The following ERLIN2 variants were observed in gnomAD, a reference collection of about 807,000 sequenced individuals.
ERLIN2 encodes the protein erlin-2.
In ERLIN2, 22 loss-of-function variants were observed where a neutral mutation model predicts 41.5. The ratio of observed to expected loss-of-function variants is 0.53; its 90% CI spans 0.38 to 0.76. The LOEUF (loss-of-function observed/expected upper bound fraction) is 0.76. Ranked by LOEUF, ERLIN2 falls within the 30% of genes least tolerant of loss-of-function variation. ERLIN2 has a pLI of 0.00. For missense variants in ERLIN2, 247 were observed against 414.3 expected (o/e 0.60, Z 3.51); for synonymous variants, 149 against 150.9 (o/e 0.99, Z 0.09).
chr8:37,740,253 ACT>A, intron 2 of ERLIN2, 110 bp from the exon 3 acceptor site: 1 of 759,514 alleles, frequency 1.3e-6, no homozygotes, highest in East Asian at 2.7e-5. Flanking sequence ...AGCACATGTC[ACT>A]CTCTATTATA....
At chr8:37,748,108 T>C (rs952407319) in intron 6 of ERLIN2, 2 of 790,162 alleles carry the variant, frequency 2.5e-6, no homozygotes, top group African/African-American at 3.5e-5. Flanking sequence ...ACCTTAGTAA[T>C]ACAATTTAAA....
rs114673491 is a variant in ERLIN2 at position 37,750,173 on chromosome 8, T to C, written c.558-222T>C. 1,141 of 622,618 alleles carry C rather than the reference T, an allele frequency of 1.8e-3. 12 individuals are homozygous for C. In the African/African-American group the frequency reaches 0.019, roughly 10 times the overall value. The allele number at this position is 622,618 out of a possible 1,614,324, so 38.6% of individuals were successfully genotyped here. ...CAGTAAGTGGACAGGCAGGTGTATTTTACTAAATTATGTTTTATTTCCCAC... is the reference window on the plus strand; with the variant it reads ...CAGTAAGTGGACAGGCAGGTGTATTCTACTAAATTATGTTTTATTTCCCAC... On this transcript the variant is annotated intron_variant, in intron 8 of 11. Transcript: ENST00000519638.
At chr8:37,752,279 C>T (rs765738292) in intron 10 of ERLIN2, among the ~76,000 whole-genome samples, 15 of 152,196 alleles carry the variant, frequency 9.9e-5, no homozygotes, top group Non-Finnish European at 2.9e-5. Flanking sequence ...AAGCCTGCAC[C>T]TCCTTCCCAC....
At position 37,754,781 on chromosome 8, in the gene ERLIN2, G is replaced by A. The variant is rs1563318795; in HGVS notation, c.*666G>A. On this transcript the variant is annotated 3_prime_UTR_variant, in exon 12 of 12. Transcript: ENST00000519638. ...TTCTGACTACATTTCTAGAGTCAGAGCTTGATCACCACAACTCAATTATTT... is the reference window on the plus strand; with the variant it reads ...TTCTGACTACATTTCTAGAGTCAGAACTTGATCACCACAACTCAATTATTT... 6.5e-6 allele frequency: 1 copy of A among 154,080 alleles called. No individual in the cohort carries two copies. Among genetic ancestry groups the A allele is most frequent in the African/African-American group, 2.4e-5 (1 of 41,410 alleles). The allele number at this position is 154,080 out of a possible 1,614,324, so 9.5% of individuals were successfully genotyped here.
Position 37,753,532 on chromosome 8 carries a change from A to G in ERLIN2, c.819+3A>G, listed in dbSNP as rs377704533. 138 of 1,613,554 alleles carry G rather than the reference A, an allele frequency of 8.6e-5. No individual in the cohort carries two copies. Among genetic ancestry groups the G allele is most frequent in the Non-Finnish European group, 8.9e-5 (105 of 1,179,492 alleles). On this transcript the variant is annotated splice_donor_region_variant and intron_variant, in intron 11 of 11. Coordinates refer to ENST00000519638, the MANE Select transcript of ERLIN2 (RefSeq NM_007175.8). The stretch of plus-strand genomic sequence containing the variant: ...TGAAAATAGCCGAAGCCAATAAGGT[A>G]AAGACCCCGCACAGCCTGATAAAAA...
chr8:37,739,063 T>C (rs1802761588), intron 2 of ERLIN2, among the ~76,000 whole-genome samples: 2 of 152,204 alleles, frequency 1.3e-5, no homozygotes, highest in Admixed American at 6.5e-5. Context: ...GAAGCACTTA[T>C]AAGTCTTGGG....
chr8:37,738,703 T>G (rs927323771), intron 2 of ERLIN2, among the ~76,000 whole-genome samples: 1 of 152,080 alleles, frequency 6.6e-6, no homozygotes, highest in African/African-American at 2.4e-5. Context: ...CTGAGCAACA[T>G]AGTGAGAGCC....
chr8:37,744,632 C>A lies in ERLIN2; in HGVS notation c.360C>A (p.Ile120=). 1 of 1,614,036 alleles carries A rather than the reference C, an allele frequency of 6.2e-7. No individual in the cohort carries two copies. Among genetic ancestry groups the A allele is most frequent in the Non-Finnish European group, 8.5e-7 (1 of 1,179,926 alleles). ...ACAAGGCCCTCATCTTCAACAAGATCCACCACGAACTGAACCAGTTCTGCA... is the reference window on the plus strand; with the variant it reads ...ACAAGGCCCTCATCTTCAACAAGATACACCACGAACTGAACCAGTTCTGCA... ...DYDKALIFNK[I]HHELNQFCSV... The change falls in exon 6 of 12, where the codon ATC becomes ATA. Residue 120 remains isoleucine, a synonymous_variant. Coordinates refer to ENST00000519638, the MANE Select transcript of ERLIN2 (RefSeq NM_007175.8).
chr8:37,745,533 AT>A (rs1450931566), intron 6 of ERLIN2: 15 of 1,610,422 alleles, frequency 9.3e-6, no homozygotes, highest in Non-Finnish European at 1.7e-6. Context: ...AAGTAAATGA[AT>A]TTTTAACCAA....
rs1413506732 is a variant in ERLIN2 at position 37,758,404 on chromosome 8, T to C, written c.*4289T>C. 6.6e-6 allele frequency: 1 copy of C among 152,180 alleles called. No homozygotes were observed. Among genetic ancestry groups the C allele is most frequent in the African/African-American group, 2.4e-5 (1 of 41,440 alleles). 9.4% of individuals were successfully genotyped at this position (152,180 alleles called of 1,614,324 possible). A position where few individuals can be genotyped will look rare whatever the true frequency, so the allele number is the denominator to read the frequency against. ...TCAGTTTCTTCATTAATAAAATGAG[T>C]TGCATGGCTTATATGAAATAATGCA... On this transcript the variant is annotated 3_prime_UTR_variant, in exon 12 of 12. Coordinates refer to ENST00000519638, the MANE Select transcript of ERLIN2 (RefSeq NM_007175.8).
intron 6 of ERLIN2, chr8:37,744,990 T>C (rs772587427): frequency 4.9e-6 from 3 of 606,958 alleles, no homozygotes; most frequent in African/African-American, 3.7e-5. Context: ...CCACTGTTCC[T>C]AAACTATCAT....
intron 6 of ERLIN2, 101 bp downstream of exon 6, chr8:37,744,797 C>A: frequency 1.6e-6 from 2 of 1,245,684 alleles, no homozygotes; most frequent in Non-Finnish European, 2.3e-6. Context: ...GTGTGATGGT[C>A]ACTTATGGAC....
intron 10 of ERLIN2, 96 bp from the exon 11 acceptor site, chr8:37,753,354 A>G (rs1265623554): frequency 1.5e-5 from 15 of 1,021,798 alleles, no homozygotes; most frequent in East Asian, 2.5e-5. Context: ...GCGAAGTTCC[A>G]GGGACCAGAA....
intron 2 of ERLIN2, 90 bp downstream of exon 2, chr8:37,738,119 C>T: frequency 6.8e-7 from 1 of 1,476,130 alleles, no homozygotes; most frequent in Non-Finnish European, 9.5e-7. Flanking sequence ...TGCTGAACAT[C>T]TCTATTTATA....
chr8:37,739,556 A>G (rs1287054373), intron 2 of ERLIN2, among the ~76,000 whole-genome samples: 2 of 151,138 alleles, frequency 1.3e-5, no homozygotes, highest in Non-Finnish European at 3.0e-5. Context: ...GTTCACTGCA[A>G]CCTCCGCCTC....
chr8:37,756,623 T>C lies in ERLIN2; in HGVS notation c.*2508T>C, dbSNP rs761126361. On this transcript the variant is annotated 3_prime_UTR_variant, in exon 12 of 12. Coordinates refer to ENST00000519638, the MANE Select transcript of ERLIN2 (RefSeq NM_007175.8). ...CAATCCAATGGTTGTCTCTTATCTG[T>C]CTAAATAGCAAAATCATGAAAATCA... 4 of 152,644 alleles carry C rather than the reference T, an allele frequency of 2.6e-5. No homozygotes were observed. Among genetic ancestry groups the C allele is most frequent in the Non-Finnish European group, 5.9e-5 (4 of 68,042 alleles). 9.5% of individuals were successfully genotyped at this position (152,644 alleles called of 1,614,324 possible).
Position 37,741,650 on chromosome 8 carries a change from G to A in ERLIN2, c.190-122G>A. 3 of 799,894 alleles carry A rather than the reference G, an allele frequency of 3.8e-6. No homozygotes were observed. Among genetic ancestry groups the A allele is most frequent in the Non-Finnish European group, 6.6e-6 (3 of 452,754 alleles). 49.5% of individuals were successfully genotyped at this position (799,894 alleles called of 1,614,324 possible). A position where few individuals can be genotyped will look rare whatever the true frequency, so the allele number is the denominator to read the frequency against. On this transcript the variant is annotated intron_variant, in intron 3 of 11. Coordinates refer to ENST00000519638, the MANE Select transcript of ERLIN2 (RefSeq NM_007175.8). This position sits in a 1 kb window ranked among gnomAD's most constrained non-coding sequence, Gnocchi z 4.8. ...AAGGAGGATTAGGTGGGGTAATCAT[G>A]TTTAATGAAGGCCATGCTCAACCCA...
chr8:37,753,440 T>TC lies in ERLIN2; in HGVS notation c.740-5dup, dbSNP rs1303013419. ...ACTTCACCAAGTTCACTGCACTCCT[T>TC]CCCCCTCAGATGCTGCATTTCTGGC... On this transcript the variant is annotated splice_polypyrimidine_tract_variant and intron_variant, in intron 10 of 11. Coordinates refer to ENST00000519638, the MANE Select transcript of ERLIN2 (RefSeq NM_007175.8). The TC allele has an allele frequency of 5.0e-6, 8 of 1,611,314 alleles. No individual in the cohort carries two copies. The highest frequency in any genetic ancestry group is 1.3e-5 in the African/African-American group (1 of 74,828).
In ERLIN2 at chr8:37,737,997, G is replaced by T. The variant is rs1462840939; in HGVS notation, c.75G>T (p.Lys25Asn). ...CATCTCTCTTCTCAGCTGTGCACAA[G>T]ATAGAAGAGGGACATATTGGGGTAT... ...FCASLFSAVH[K>N]IEEGHIGVYY... The change falls in exon 2 of 12, where the codon AAG (lysine) becomes AAT (asparagine). Residue 25 changes from lysine (K) to asparagine (N), a missense_variant. Physicochemically the swap from Lys to Asn is moderately conservative, Grantham distance 94. Around this residue, in one of 3 missense-constraint regions of ERLIN2, gnomAD observed 93 missense variants for 139.0 expected, o/e 0.67. Transcript: ENST00000519638. 3 of 1,614,072 alleles carry T rather than the reference G, an allele frequency of 1.9e-6. No homozygotes were observed. In the East Asian group the frequency reaches 6.7e-5, roughly 36 times the overall value.
Sources: gnomAD v4.1 joint callset for allele counts (sites outside exome capture counted in the v4.1 genomes callset) on GRCh38, gnomAD v4.1.1 for gene constraint, gnomAD v4.1.1 regional missense constraint, Gnocchi (gnomAD v3.1) non-coding constraint, MANE v1.5 for transcripts, NCBI Gene and HGNC (gene_info 2026-07-23, HGNC 2026-07-21) for gene names.